The following ESRRG variants were observed in gnomAD, a reference collection of about 807,000 sequenced individuals.
ESRRG encodes the protein estrogen-related receptor gamma.
Under a neutral mutation model 44.0 loss-of-function variants are expected in ESRRG, and 13 were observed. The ratio of observed to expected loss-of-function variants is 0.30; its 90% confidence interval spans 0.19 to 0.47. The LOEUF is 0.47. Among genes scored for constraint, ESRRG ranks in the 20% least tolerant of loss-of-function variants. ESRRG has a pLI of 1.00. For synonymous variants in ESRRG, 215 were observed against 214.6 expected, an observed-to-expected ratio of 1.00 and a Z score of -0.02; for missense variants, 395 against 580.6, an observed-to-expected ratio of 0.68 and a Z score of 3.29.
intron 1 of ESRRG, among the ~76,000 whole-genome samples, chr1:217,113,341 A>G (rs779528282): frequency 4.0e-4 from 61 of 152,328 alleles, no homozygotes; most frequent in South Asian, 4.1e-4. Context: ...GCTGTGGATC[A>G]GTAACTGCTG....
chr1:216,557,260 C>T (rs1181783300), intron 5 of ESRRG, among the ~76,000 whole-genome samples: 3 of 152,118 alleles, frequency 2.0e-5, no homozygotes, highest in African/African-American at 7.2e-5. Context: ...TTTAATCTTT[C>T]ATTTTTTAAT....
intron 1 of ESRRG, among the ~76,000 whole-genome samples, chr1:217,102,156 C>T (rs1194961760): frequency 1.3e-5 from 2 of 152,196 alleles, no homozygotes; most frequent in Non-Finnish European, 2.9e-5. Flanking sequence ...AAACACTGCA[C>T]ATGCATCAAT....
intron 5 of ESRRG, among the ~76,000 whole-genome samples, chr1:216,530,098 C>A (rs918946195): frequency 3.6e-5 from 4 of 112,186 alleles, no homozygotes; most frequent in Non-Finnish European, 6.5e-5. Flanking sequence ...GGTGGCAGAG[C>A]GAGACTCCAT....
intron 1 of ESRRG, among the ~76,000 whole-genome samples, chr1:217,135,396 G>A (rs1480728417): frequency 1.3e-5 from 2 of 152,222 alleles, no homozygotes; most frequent in Non-Finnish European, 2.9e-5. Flanking sequence ...GGTGAGGGGA[G>A]GGTAAGAGAT....
chr1:217,068,862 C>G (rs1038398614), intron 1 of ESRRG, among the ~76,000 whole-genome samples: 2 of 152,176 alleles, frequency 1.3e-5, no homozygotes, highest in African/African-American at 4.8e-5. Context: ...ATACTCCAAT[C>G]CCTAACTTTA....
intron 1 of ESRRG, among the ~76,000 whole-genome samples, chr1:216,969,563 G>A (rs1236546993): frequency 6.6e-6 from 1 of 152,022 alleles, no homozygotes; most frequent in Non-Finnish European, 1.5e-5. Context: ...ACCACATTTT[G>A]GACTATTGGC....
Position 216,507,175 on chromosome 1 carries a change from G to T in ESRRG, c.1141C>A (p.His381Asn), listed in dbSNP as rs763823306. ...AIALANSDSM[H>N]IEDVEAVQKL... The stretch of plus-strand genomic sequence containing the variant: ...TGAACGGCTTCAACATCTTCTATGT[G>T]CATGGAGTCTGTGCAATGAAGCAAA... The change falls in exon 7 of 7, where the codon CAC becomes AAC. Residue 381 changes from histidine to asparagine, a missense_variant. Around this residue, in one of 5 missense-constraint regions of ESRRG, gnomAD observed 167 missense variants for 251.8 expected, o/e 0.66. Transcript: ENST00000408911. 4 of 1,607,086 alleles carry T rather than the reference G, an allele frequency of 2.5e-6. No homozygotes were observed. Among genetic ancestry groups the T allele is most frequent in the Non-Finnish European group, 2.5e-6 (3 of 1,176,554 alleles).
At chr1:217,091,493 G>T (rs1169304951), upstream of ESRRG, among the ~76,000 whole-genome samples, 1 of 152,220 alleles carries the variant, frequency 6.6e-6, no homozygotes, top group South Asian at 2.1e-4. Flanking sequence ...AGAATCATTC[G>T]CAAATTCCAC....
At chr1:217,127,352 G>C (rs2092906379) in intron 1 of ESRRG, among the ~76,000 whole-genome samples, 1 of 152,126 alleles carries the variant, frequency 6.6e-6, no homozygotes, top group East Asian at 1.9e-4. Context: ...ACTTATGCAG[G>C]TAAACAGGTG....
intron 1 of ESRRG, among the ~76,000 whole-genome samples, chr1:217,009,101 A>T (rs1352625124): frequency 6.6e-6 from 1 of 152,128 alleles, no homozygotes; most frequent in Non-Finnish European, 1.5e-5. Flanking sequence ...CATCTCCGTA[A>T]TTTCACCTTG....
chr1:216,729,862 C>T (rs772306179), intron 2 of ESRRG, among the ~76,000 whole-genome samples: 14 of 152,064 alleles, frequency 9.2e-5, no homozygotes, highest in Non-Finnish European at 1.6e-4. Flanking sequence ...ATCAGATATC[C>T]CAAAAACTCA....
chr1:216,804,520 G>C (rs1356907593), intron 2 of ESRRG, among the ~76,000 whole-genome samples: 2 of 151,974 alleles, frequency 1.3e-5, no homozygotes, highest in Non-Finnish European at 2.9e-5. Context: ...TGGGATTTTA[G>C]AGAGAAAACA....
chr1:216,693,508 A>T (rs942146619), intron 1 of ESRRG, among the ~76,000 whole-genome samples: 2 of 152,164 alleles, frequency 1.3e-5, no homozygotes, highest in Admixed American at 6.6e-5. Flanking sequence ...CAGATACCAA[A>T]GTCTACAGAT....
chr1:216,786,821 C>T (rs1329452089), intron 2 of ESRRG, among the ~76,000 whole-genome samples: 1 of 152,104 alleles, frequency 6.6e-6, no homozygotes, highest in East Asian at 1.9e-4. Flanking sequence ...AGACGAAATA[C>T]ACACTAAGTG....
At chr1:216,548,252 T>C (rs989358847) in intron 5 of ESRRG, among the ~76,000 whole-genome samples, 1 of 152,054 alleles carries the variant, frequency 6.6e-6, no homozygotes, top group Non-Finnish European at 1.5e-5. Context: ...ATCAAACGGG[T>C]ACACATGTGA....
chr1:216,519,620 A>G (rs11572817), intron 5 of ESRRG, among the ~76,000 whole-genome samples, 199 bp from the exon 6 acceptor site: 1,690 of 152,140 alleles, frequency 0.011, 30 homozygotes, highest in African/African-American at 0.036. Context: ...ATTTGTGGGT[A>G]TTTGCTATAA....
At chr1:217,063,387 T>C (rs1477586430) in intron 1 of ESRRG, among the ~76,000 whole-genome samples, 1 of 152,154 alleles carries the variant, frequency 6.6e-6, no homozygotes, top group Non-Finnish European at 1.5e-5. Flanking sequence ...GCTACATGCT[T>C]TGAAGTGTGG....
chr1:216,831,042 C>T lies in ESRRG; in HGVS notation c.-14+108540G>A, dbSNP rs148440092. On this transcript the variant is annotated intron_variant, in intron 2 of 7. Transcript: ENST00000359162. ...AAGGTGGGGAGGTTGGGGGAGGAAA[C>T]GCATCACACAATGTTTGAGTGATTT... Among the ~76,000 whole-genome samples, 1,026 of 151,656 alleles carry T rather than the reference C, an allele frequency of 6.8e-3. 21 individuals are homozygous for T. Among genetic ancestry groups the T allele is most frequent in the African/African-American group, 0.024 (983 of 41,326 alleles).
chr1:216,713,296 C>A (rs1319685393), intron 1 of ESRRG, among the ~76,000 whole-genome samples: 1 of 150,506 alleles, frequency 6.6e-6, no homozygotes, highest in Non-Finnish European at 1.5e-5. Context: ...TGGACTATTA[C>A]TTGGACAAAT....
Sources: allele counts gnomAD v4.1 joint callset (sites outside exome capture counted in the v4.1 genomes callset), GRCh38; gene constraint gnomAD v4.1.1; regional missense constraint gnomAD v4.1.1; transcripts MANE v1.5; gene names NCBI Gene and HGNC (gene_info 2026-07-23, HGNC 2026-07-21).